SLC26A2: variants seen among roughly 807,000 people sequenced by gnomAD.
SLC26A2 encodes the protein solute carrier family 26 member 2.
SLC26A2 carries 36 observed loss-of-function variants against 41.1 expected under a neutral mutation model. The ratio of observed to expected loss-of-function variants is 0.88; its 90% CI spans 0.67 to 1.16. The LOEUF is 1.16. Among genes scored for constraint, SLC26A2 ranks in the 50% most tolerant of loss-of-function variants. The probability of loss-of-function intolerance (pLI) is 0.00; values close to 1 mark genes in which losing one functional copy is unlikely to be tolerated. For synonymous variants in SLC26A2, 291 were observed against 311.6 expected (o/e 0.93, Z 0.70); for missense variants, 796 against 869.6 (o/e 0.92, Z 1.07).
chr5:149,973,918 G>T (rs1754946400), intron 1 of SLC26A2, among the ~76,000 whole-genome samples: 1 of 152,194 alleles, frequency 6.6e-6, no homozygotes, highest in Non-Finnish European at 1.5e-5. Flanking sequence ...CAGGGTGGGA[G>T]GATCACTTGA....
chr5:149,964,868 T>C (rs960841468), intron 1 of SLC26A2, among the ~76,000 whole-genome samples: 4 of 152,186 alleles, frequency 2.6e-5, no homozygotes, highest in Non-Finnish European at 5.9e-5. Context: ...TTTACAGCTT[T>C]TCTGCAAGTC....
chr5:149,970,044 A>G (rs1754875524), intron 1 of SLC26A2, among the ~76,000 whole-genome samples: 1 of 152,346 alleles, frequency 6.6e-6, no homozygotes, highest in African/African-American at 2.4e-5. Flanking sequence ...TGGAAATATA[A>G]TAAGTACAAG....
chr5:149,963,088 ATTTATTTATT>A (rs1561809904), intron 1 of SLC26A2, among the ~76,000 whole-genome samples: 14 of 149,970 alleles, frequency 9.3e-5, no homozygotes, highest in African/African-American at 3.4e-4. Flanking sequence ...TGCTATATTT[ATTTATTTATT>A]TATTTATTTA....
Position 149,985,534 on chromosome 5 carries a change from CCACTT to C in SLC26A2, c.*3722_*3726del, listed in dbSNP as rs1482555157. On this transcript the variant is annotated 3_prime_UTR_variant, in exon 3 of 3. Transcript: ENST00000286298. Reference sequence around the variant, plus strand: ...TTCTCTGCTGCAATATTCCCATTGACCACTTAAATGACCATAAGTGGTCATTTAAG... The same window carrying C: ...TTCTCTGCTGCAATATTCCCATTGACAAATGACCATAAGTGGTCATTTAAG... 1 of 152,102 alleles carries C rather than the reference CCACTT, an allele frequency of 6.6e-6. No individual in the cohort carries two copies. Among genetic ancestry groups the C allele is most frequent in the Middle Eastern group, 3.2e-3 (1 of 316 alleles). The allele number at this position is 152,102 out of a possible 1,614,324, so 9.4% of individuals were successfully genotyped here. A position where few individuals can be genotyped will look rare whatever the true frequency, so the allele number is the denominator to read the frequency against.
At chr5:149,976,896 T>C (rs1755000651) in intron 1 of SLC26A2, among the ~76,000 whole-genome samples, 1 of 152,194 alleles carries the variant, frequency 6.6e-6, no homozygotes, top group South Asian at 2.1e-4. Context: ...TACTAGAACA[T>C]AGTGGAATAG....
At chr5:149,979,380 CAT>C (rs916706731) in intron 2 of SLC26A2, among the ~76,000 whole-genome samples, 1 of 152,018 alleles carries the variant, frequency 6.6e-6, no homozygotes, top group African/African-American at 2.4e-5. Context: ...GCTGTCTACT[CAT>C]ATATAATGGT....
intron 1 of SLC26A2, among the ~76,000 whole-genome samples, chr5:149,972,601 T>G (rs1754922829): frequency 6.6e-6 from 1 of 152,244 alleles, no homozygotes; most frequent in African/African-American, 2.4e-5. Flanking sequence ...TTTTATTACC[T>G]TGCTCTGTCA....
At chr5:149,961,010 G>A (rs1754693023) in intron 1 of SLC26A2, 31 bp downstream of exon 1, 1 of 152,388 alleles carries the variant, frequency 6.6e-6, no homozygotes. Context: ...CAGGGAAGAG[G>A]GAGGGAGCGG....
rs995015922 is a variant in SLC26A2 at position 149,984,990 on chromosome 5, G to GA, written c.*3181dup. On this transcript the variant is annotated 3_prime_UTR_variant, in exon 3 of 3. Transcript: ENST00000286298. ...AGAGGAGTGAAGAGAACAGACCATTGAAAAGACTATTATCTGACCAGCGGA... is the reference window on the plus strand; with the variant it reads ...AGAGGAGTGAAGAGAACAGACCATTGAAAAAGACTATTATCTGACCAGCGGA... 6.6e-6 allele frequency: 1 copy of GA among 152,252 alleles called. No individual in the cohort carries two copies. The highest frequency in any genetic ancestry group is 6.5e-5 in the Admixed American group (1 of 15,288). The allele number at this position is 152,252 out of a possible 1,614,324, so 9.4% of individuals were successfully genotyped here. A position where few individuals can be genotyped will look rare whatever the true frequency, so the allele number is the denominator to read the frequency against.
At chr5:149,968,219 T>TA (rs1754839204) in intron 1 of SLC26A2, among the ~76,000 whole-genome samples, 1 of 152,202 alleles carries the variant, frequency 6.6e-6, no homozygotes, top group Non-Finnish European at 1.5e-5. Context: ...ATAGTGCTGT[T>TA]ATGAACATTA....
At position 149,980,277 on chromosome 5, in the gene SLC26A2, A is replaced by G. The variant is rs760046779; in HGVS notation, c.700-16A>G. 1.2e-6 allele frequency: 2 copies of G among 1,604,040 alleles called. No individual in the cohort carries two copies. Among genetic ancestry groups the G allele is most frequent in the South Asian group, 2.2e-5 (2 of 90,892 alleles). ...TTTTCCATTTATATTTAACACTTCT[A>G]TATCCTTCCTTCCAGGTAGCGATGG... On this transcript the variant is annotated splice_polypyrimidine_tract_variant and intron_variant, in intron 2 of 2. Coordinates refer to ENST00000286298, the MANE Select transcript of SLC26A2 (RefSeq NM_000112.4).
chr5:149,973,163 AAATAAT>A (rs1754934425), intron 1 of SLC26A2, among the ~76,000 whole-genome samples: 1 of 152,156 alleles, frequency 6.6e-6, no homozygotes, highest in Non-Finnish European at 1.5e-5. Context: ...TATTTAAAAA[AAATAAT>A]AATAATCAGA....
intron 1 of SLC26A2, among the ~76,000 whole-genome samples, chr5:149,967,606 C>T (rs1028667102): frequency 7.9e-5 from 12 of 152,128 alleles, no homozygotes; most frequent in East Asian, 1.9e-4. Flanking sequence ...GCATGAAGTA[C>T]GTGCACAATG....
intron 1 of SLC26A2, among the ~76,000 whole-genome samples, chr5:149,973,677 C>T (rs1754943023): frequency 1.3e-5 from 2 of 152,058 alleles, no homozygotes; most frequent in Admixed American, 1.3e-4. Flanking sequence ...CCCTGTCACC[C>T]AGGCTAAAGT....
chr5:149,968,883 A>G (rs1227120631), intron 1 of SLC26A2, among the ~76,000 whole-genome samples: 4 of 151,858 alleles, frequency 2.6e-5, no homozygotes, highest in Non-Finnish European at 4.4e-5. Flanking sequence ...ACAGCTGTGC[A>G]GGTGTACACC....
Position 149,981,624 on chromosome 5 carries a change from T to C in SLC26A2, c.2031T>C (p.Ile677=). ...LKEVRRDYEA[I]GIQVLLAQCN... The stretch of plus-strand genomic sequence containing the variant: ...AAGTTCGCAGAGATTATGAAGCCAT[T>C]GGAATCCAGGTTCTGCTGGCTCAGT... Residue 677 remains isoleucine, a synonymous_variant, in exon 3 of 3, where the codon ATT becomes ATC. Coordinates refer to ENST00000286298, the MANE Select transcript of SLC26A2 (RefSeq NM_000112.4). 1 of 1,614,142 alleles carries C rather than the reference T, an allele frequency of 6.2e-7. No individual in the cohort carries two copies. Among genetic ancestry groups the C allele is most frequent in the Non-Finnish European group, 8.5e-7 (1 of 1,180,004 alleles).
In SLC26A2 at chr5:149,981,504, G is replaced by T; in HGVS notation, c.1911G>T (p.Val637=). The T allele has an allele frequency of 3.1e-6, 5 of 1,614,136 alleles. No individual in the cohort carries two copies. The highest frequency in any genetic ancestry group is 3.4e-6 in the Non-Finnish European group (4 of 1,179,998). The change falls in exon 3 of 3, where the codon GTG becomes GTT. Residue 637 remains valine (V), a synonymous_variant. Coordinates refer to ENST00000286298, the MANE Select transcript of SLC26A2 (RefSeq NM_000112.4). ...TLGGIQDEMS[V]QLSHDPLELH... ...GTGGAATCCAGGATGAAATGTCAGTGCAACTTTCCCATGATCCCTTGGAGC... is the reference window on the plus strand; with the variant it reads ...GTGGAATCCAGGATGAAATGTCAGTTCAACTTTCCCATGATCCCTTGGAGC...
rs775023350 is a variant in SLC26A2, at chr5:149,980,915, CAA to C, written c.1324_1325del (p.Lys442AspfsTer4). The C allele has an allele frequency of 1.2e-6, 2 of 1,614,134 alleles. No individual in the cohort carries two copies. Among genetic ancestry groups the C allele is most frequent in the Non-Finnish European group, 1.7e-6 (2 of 1,180,006 alleles). On this transcript the variant is annotated frameshift_variant, in exon 3 of 3. Coordinates refer to ENST00000286298, the MANE Select transcript of SLC26A2 (RefSeq NM_000112.4). LOFTEE classifies it high-confidence loss of function. Reference sequence around the variant, plus strand: ...TGTTTTACTACTAGTGCAGCTCTTGCAAAGACATTGGTTAAAGAATCAACAGG... The same window carrying C: ...TGTTTTACTACTAGTGCAGCTCTTGCAGACATTGGTTAAAGAATCAACAGG...
chr5:149,964,938 T>G (rs1754779949), intron 1 of SLC26A2, among the ~76,000 whole-genome samples: 1 of 152,210 alleles, frequency 6.6e-6, no homozygotes, highest in East Asian at 1.9e-4. Flanking sequence ...TGTTTAAGGC[T>G]GAACTATGCC....
Sources: gnomAD v4.1 joint callset for allele counts (sites outside exome capture counted in the v4.1 genomes callset) on GRCh38, gnomAD v4.1.1 for gene constraint, MANE v1.5 for transcripts, NCBI Gene and HGNC (gene_info 2026-07-23, HGNC 2026-07-21) for gene names.